Variants in UNC5A observed in about 807,000 individuals in gnomAD.
The protein encoded by UNC5A is netrin receptor UNC5A.
UNC5A carries 20 observed loss-of-function variants against 87.4 expected under a neutral mutation model. The ratio of observed to expected loss-of-function variants is 0.23; its 90% confidence interval spans 0.16 to 0.33. The LOEUF (loss-of-function observed/expected upper bound fraction) is 0.33. Among genes scored for constraint, UNC5A ranks in the 10% least tolerant of loss-of-function variants. The probability of loss-of-function intolerance (pLI) is 1.00; values close to 1 mark genes in which losing one functional copy is unlikely to be tolerated. For synonymous variants in UNC5A, 438 were observed against 482.3 expected, an observed-to-expected ratio of 0.91 and a Z score of 1.20; for missense variants, 844 against 1,133.4, an observed-to-expected ratio of 0.74 and a Z score of 3.67.
Position 176,841,351 on chromosome 5 carries a change from G to GCCCACCACCCCAGAGCTGCA in UNC5A, c.71-21268_71-21249dup, listed in dbSNP as rs1451534620. ...CTCCCAGCTTCCAGATCAGAGCTGTGCCCACCACCCCAGAGCTGCACCCAG... is the reference window on the plus strand; with the variant it reads ...CTCCCAGCTTCCAGATCAGAGCTGTGCCCACCACCCCAGAGCTGCACCCACCACCCCAGAGCTGCACCCAG... On this transcript the variant is annotated intron_variant, in intron 1 of 14. Coordinates refer to ENST00000329542, the MANE Select transcript of UNC5A (RefSeq NM_133369.3). The surrounding 1 kb of genome is among the most constrained non-coding windows in gnomAD (Gnocchi z 4.1). Among the ~76,000 whole-genome samples, 13 of 152,174 alleles carry GCCCACCACCCCAGAGCTGCA rather than the reference G, an allele frequency of 8.5e-5. No individual in the cohort carries two copies. Among genetic ancestry groups the GCCCACCACCCCAGAGCTGCA allele is most frequent in the Non-Finnish European group, 1.9e-4 (13 of 68,030 alleles).
intron 1 of UNC5A, among the ~76,000 whole-genome samples, chr5:176,812,436 G>T (rs1042271731): frequency 2.0e-5 from 3 of 152,184 alleles, no homozygotes; most frequent in Admixed American, 6.5e-5. Flanking sequence ...GTAACCAGGG[G>T]GGTTGGCATG....
intron 2 of UNC5A, 135 bp downstream of exon 2, chr5:176,862,980 C>A: frequency 2.0e-6 from 2 of 989,064 alleles, no homozygotes; most frequent in Non-Finnish European, 3.0e-6. Flanking sequence ...CAACCCTCAG[C>A]AGTTTGGGGA....
intron 3 of UNC5A, 26 bp from the exon 4 acceptor site, chr5:176,868,535 G>A (rs1410659637): frequency 6.3e-7 from 1 of 1,576,464 alleles, no homozygotes; most frequent in Non-Finnish European, 8.6e-7. Flanking sequence ...CCCTCAGACA[G>A]GAGGACACTC....
intron 1 of UNC5A, among the ~76,000 whole-genome samples, chr5:176,840,475 A>G (rs986394983): frequency 6.6e-6 from 1 of 152,218 alleles, no homozygotes; most frequent in African/African-American, 2.4e-5. Flanking sequence ...TCCTGTTTTA[A>G]TAACACGTTG....
chr5:176,816,348 C>A (rs1215427196), intron 1 of UNC5A, among the ~76,000 whole-genome samples: 4 of 152,256 alleles, frequency 2.6e-5, no homozygotes, highest in Admixed American at 6.5e-5. Context: ...GGGCCCACTT[C>A]TGCTGGCAAA....
chr5:176,823,048 G>A (rs949985421), intron 1 of UNC5A, among the ~76,000 whole-genome samples: 11 of 152,218 alleles, frequency 7.2e-5, no homozygotes, highest in African/African-American at 1.7e-4. Flanking sequence ...GGAGGCTGCC[G>A]TGGTCATCCA....
In UNC5A at chr5:176,838,064, T is replaced by C. The variant is rs958205416; in HGVS notation, c.71-24560T>C. On this transcript the variant is annotated intron_variant, in intron 1 of 14. Transcript: ENST00000329542. The surrounding 1 kb of genome is among the most constrained non-coding windows in gnomAD (Gnocchi z 4.2). ...CTTGCCCTTTGGAGCCTCCATTCTT[T>C]GTGGTGGGGACTCCCACCCCATAGG... 6.6e-6 allele frequency among the ~76,000 whole-genome samples: 1 copy of C among 152,248 alleles called. No homozygotes were observed. The highest frequency in any genetic ancestry group is 2.4e-5 in the African/African-American group (1 of 41,472).
At chr5:176,835,322 T>C (rs1299080220) in intron 1 of UNC5A, among the ~76,000 whole-genome samples, 1 of 152,218 alleles carries the variant, frequency 6.6e-6, no homozygotes, top group Non-Finnish European at 1.5e-5. Context: ...CAGGCCTGCC[T>C]CTGTCTAAGT....
intron 1 of UNC5A, among the ~76,000 whole-genome samples, chr5:176,813,867 G>A (rs966170209): frequency 3.3e-5 from 5 of 152,172 alleles, no homozygotes; most frequent in Admixed American, 2.6e-4. Context: ...CTGCCACTTG[G>A]GAATCTGTGT....
At chr5:176,867,713 C>A (rs998047173) in intron 2 of UNC5A, among the ~76,000 whole-genome samples, 1 of 152,206 alleles carries the variant, frequency 6.6e-6, no homozygotes, top group Admixed American at 6.5e-5. Flanking sequence ...CCTTCCTCAC[C>A]TCTTTTACCC....
At chr5:176,851,169 G>A (rs1173541734) in intron 1 of UNC5A, among the ~76,000 whole-genome samples, 1 of 152,246 alleles carries the variant, frequency 6.6e-6, no homozygotes, top group Admixed American at 6.5e-5. Context: ...TCGACTTACT[G>A]TGCCTCTCCA....
chr5:176,853,445 C>T (rs1263674746), intron 1 of UNC5A, among the ~76,000 whole-genome samples: 1 of 152,194 alleles, frequency 6.6e-6, no homozygotes, highest in African/African-American at 2.4e-5. Context: ...TGTGGTTCAG[C>T]CTGTCTGCAT....
Position 176,869,542 on chromosome 5 carries a change from G to T in UNC5A, c.721+578G>T, listed in dbSNP as rs183897532. ...CAGCTCACAGCCCCTCTGCCCTCAC[G>T]CCCCGTCCCCTGGGCCAGTGTATCT... On this transcript the variant is annotated intron_variant, in intron 5 of 14. Coordinates refer to ENST00000329542, the MANE Select transcript of UNC5A (RefSeq NM_133369.3). The surrounding 1 kb of genome is among the most constrained non-coding windows in gnomAD (Gnocchi z 9.1). The T allele has an allele frequency of 1.6e-4, 104 of 655,432 alleles. No individual in the cohort carries two copies. Among genetic ancestry groups the T allele is most frequent in the African/African-American group, 3.6e-4 (20 of 55,976 alleles). 40.6% of individuals were successfully genotyped at this position (655,432 alleles called of 1,614,324 possible).
intron 1 of UNC5A, among the ~76,000 whole-genome samples, chr5:176,854,105 C>T (rs1361887450): frequency 7.2e-5 from 11 of 152,158 alleles, no homozygotes; most frequent in Admixed American, 7.2e-4. Context: ...CAGCTTGCTG[C>T]TGGCTGCATG....
intron 1 of UNC5A, among the ~76,000 whole-genome samples, chr5:176,822,303 G>C (rs1756746068): frequency 6.6e-6 from 1 of 152,258 alleles, no homozygotes; most frequent in South Asian, 2.1e-4. Context: ...GTGCGGAGCA[G>C]GATCTGCGGT....
At chr5:176,835,224 G>T (rs918314466) in intron 1 of UNC5A, among the ~76,000 whole-genome samples, 1 of 152,256 alleles carries the variant, frequency 6.6e-6, no homozygotes. Context: ...CATTGGCACT[G>T]GTGTGACTGA....
chr5:176,858,025 G>A (rs1413204189), intron 1 of UNC5A, among the ~76,000 whole-genome samples: 2 of 152,308 alleles, frequency 1.3e-5, no homozygotes, highest in Non-Finnish European at 2.9e-5. Flanking sequence ...AGGTGTGTCC[G>A]CCCTGGCAGT....
chr5:176,831,157 CG>C (rs1261577546), intron 1 of UNC5A, among the ~76,000 whole-genome samples: 2 of 152,132 alleles, frequency 1.3e-5, no homozygotes, highest in Non-Finnish European at 2.9e-5. Flanking sequence ...AAGCTTTTAT[CG>C]TTCTGCAGAA....
At chr5:176,834,711 C>CTCTCTCTCTCTG (rs1757109781) in intron 1 of UNC5A, among the ~76,000 whole-genome samples, 1 of 151,196 alleles carries the variant, frequency 6.6e-6, no homozygotes, top group African/African-American at 2.4e-5. Flanking sequence ...CTCTGTCTCT[C>CTCTCTCTCTCTG]TGTCTCTCTC....
Sources: gnomAD v4.1 joint callset for allele counts (sites outside exome capture counted in the v4.1 genomes callset) on GRCh38, gnomAD v4.1.1 for gene constraint, Gnocchi (gnomAD v3.1) non-coding constraint, MANE v1.5 for transcripts, NCBI Gene and HGNC (gene_info 2026-07-23, HGNC 2026-07-21) for gene names.